Variants in PTPRU observed in about 807,000 individuals in gnomAD.
PTPRU encodes the protein protein tyrosine phosphatase receptor type U.
In PTPRU, 69 loss-of-function variants were observed where a neutral mutation model predicts 166.3. The observed-to-expected ratio is 0.41, with a 90% CI of 0.34 to 0.51. PTPRU has a LOEUF of 0.51. Ranked by LOEUF, PTPRU falls within the 20% of genes least tolerant of loss-of-function variation. The pLI is 0.09. For missense variants in PTPRU, 1,657 were observed against 2,013.7 expected (o/e 0.82, Z 3.39); for synonymous variants, 793 against 814.0 (o/e 0.97, Z 0.44).
chr1:29,248,222 A>T (rs940432862), intron 1 of PTPRU, among the ~76,000 whole-genome samples: 1 of 152,084 alleles, frequency 6.6e-6, no homozygotes, highest in African/African-American at 2.4e-5. Flanking sequence ...GTTCAAATGC[A>T]TGAGACGTGG....
chr1:29,293,374 C>T (rs1382096550), intron 15 of PTPRU, among the ~76,000 whole-genome samples: 4 of 152,244 alleles, frequency 2.6e-5, no homozygotes, highest in Non-Finnish European at 5.9e-5. Flanking sequence ...ATCTGTCCGC[C>T]TCAGCCTCCC....
intron 25 of PTPRU, 127 bp downstream of exon 25, chr1:29,318,048 C>T: frequency 7.9e-7 from 1 of 1,259,946 alleles, no homozygotes; most frequent in Non-Finnish European, 1.1e-6. Flanking sequence ...GGGGAACAGG[C>T]CTGTGTGTGA....
chr1:29,273,898 C>T (rs1685684868), intron 7 of PTPRU, among the ~76,000 whole-genome samples: 1 of 152,184 alleles, frequency 6.6e-6, no homozygotes, highest in African/African-American at 2.4e-5. Flanking sequence ...GTTTGGATCC[C>T]AGCTTCACCA....
chr1:29,275,338 C>A, intron 7 of PTPRU, 110 bp from the exon 8 acceptor site: 2 of 1,221,110 alleles, frequency 1.6e-6, no homozygotes, highest in Admixed American at 2.4e-5. Context: ...CTCTTGGGGG[C>A]AATGGAGGGA....
At position 29,279,763 on chromosome 1, in the gene PTPRU, G is replaced by A. The variant is rs906114747; in HGVS notation, c.1765+106G>A. 1.5e-6 allele frequency: 2 copies of A among 1,343,238 alleles called. No individual in the cohort carries two copies. The highest frequency in any genetic ancestry group is 2.1e-6 in the Non-Finnish European group (2 of 963,702). The allele number at this position is 1,343,238 out of a possible 1,614,324, so 83.2% of individuals were successfully genotyped here. A position where few individuals can be genotyped will look rare whatever the true frequency, so the allele number is the denominator to read the frequency against. On this transcript the variant is annotated intron_variant, in intron 10 of 29. Coordinates refer to ENST00000373779, the MANE Select transcript of PTPRU (RefSeq NM_133178.4). The surrounding 1 kb of genome is among the most constrained non-coding windows in gnomAD (Gnocchi z 5.2). ...GGCATCCTGGGGGTAGTTACAGAGG[G>A]CCCCTGCTGAGATAAATATGCCATT...
intron 7 of PTPRU, among the ~76,000 whole-genome samples, chr1:29,262,231 G>A (rs1006338030): frequency 6.6e-6 from 1 of 152,032 alleles, no homozygotes; most frequent in East Asian, 1.9e-4. Flanking sequence ...CTAAAATTTT[G>A]TTGTTTCAAA....
chr1:29,297,997 C>T (rs1686967698), intron 15 of PTPRU, among the ~76,000 whole-genome samples: 1 of 152,106 alleles, frequency 6.6e-6, no homozygotes, highest in South Asian at 2.1e-4. Flanking sequence ...GTGGCTCACA[C>T]CTGTAATCCC....
intron 7 of PTPRU, among the ~76,000 whole-genome samples, chr1:29,265,150 T>C (rs1222302998): frequency 6.6e-6 from 1 of 152,210 alleles, no homozygotes; most frequent in Non-Finnish European, 1.5e-5. Context: ...CATATGGTGA[T>C]TGCATGTTTA....
chr1:29,240,524 GAAA>G (rs1684000490), intron 1 of PTPRU, among the ~76,000 whole-genome samples: 2 of 152,128 alleles, frequency 1.3e-5, no homozygotes, highest in African/African-American at 4.8e-5. Context: ...CAGGAATCTG[GAAA>G]ATTCCTGGAG....
chr1:29,283,033 C>T (rs1487904247), intron 12 of PTPRU, 84 bp downstream of exon 12: 3 of 1,546,360 alleles, frequency 1.9e-6, no homozygotes, highest in Non-Finnish European at 2.6e-6. Context: ...AGGCCCAGCG[C>T]AGACTCCAGG....
At position 29,271,162 on chromosome 1, in the gene PTPRU, G is replaced by A. The variant is rs539503760; in HGVS notation, c.1145-4286G>A. Among the ~76,000 whole-genome samples the A allele has an allele frequency of 2.0e-5, 3 of 152,190 alleles. No individual in the cohort carries two copies. Among genetic ancestry groups the A allele is most frequent in the Non-Finnish European group, 4.4e-5 (3 of 68,044 alleles). Reference sequence around the variant, plus strand: ...TAAATGTTATCCTCATTGTTTTAATGTGCATTTTGACCTCTGATCTCGGAG... The same window carrying A: ...TAAATGTTATCCTCATTGTTTTAATATGCATTTTGACCTCTGATCTCGGAG... On this transcript the variant is annotated intron_variant, in intron 7 of 29. Transcript: ENST00000373779. The surrounding 1 kb of genome is among the most constrained non-coding windows in gnomAD (Gnocchi z 4.4).
chr1:29,283,970 AG>A lies in PTPRU; in HGVS notation c.2175del (p.Ala727LeufsTer50). The A allele has an allele frequency of 6.2e-7, 1 of 1,613,750 alleles. No homozygotes were observed. The highest frequency in any genetic ancestry group is 8.5e-7 in the Non-Finnish European group (1 of 1,180,020). On this transcript the variant is annotated frameshift_variant, in exon 13 of 30. Coordinates refer to ENST00000373779, the MANE Select transcript of PTPRU (RefSeq NM_133178.4). LOFTEE classifies it high-confidence loss of function. The part of the protein sequence containing the change: ...ETRLNCIRIA[R>X]KAACKESKRP... ...CCGGCTGAATTGCATCCGCATTGCCAGGAAAGGTAAGTCCGCTGAGTTCCTG... is the reference window on the plus strand; with the variant it reads ...CCGGCTGAATTGCATCCGCATTGCCAGAAAGGTAAGTCCGCTGAGTTCCTG...
intron 15 of PTPRU, among the ~76,000 whole-genome samples, chr1:29,292,830 T>TTG (rs1167275820): frequency 1.3e-5 from 2 of 151,490 alleles, no homozygotes; most frequent in East Asian, 3.9e-4. Flanking sequence ...TTTTTTTTTT[T>TTG]TGTGAGATGG....
Position 29,279,239 on chromosome 1 carries a change from C to G in PTPRU, c.1563+118C>G. The G allele has an allele frequency of 9.4e-7, 1 of 1,066,152 alleles. No homozygotes were observed. The highest frequency in any genetic ancestry group is 1.5e-5 in the South Asian group (1 of 66,260). The allele number at this position is 1,066,152 out of a possible 1,614,324, so 66.0% of individuals were successfully genotyped here. A position where few individuals can be genotyped will look rare whatever the true frequency, so the allele number is the denominator to read the frequency against. On this transcript the variant is annotated intron_variant, in intron 9 of 29. Transcript: ENST00000373779. This position sits in a 1 kb window ranked among gnomAD's most constrained non-coding sequence, Gnocchi z 5.2. ...AGGACAGATGTGATTGTCATAGTTT[C>G]TTCAACTATGGCCAGGTCTGTGCCC...
rs956120990 is a variant in PTPRU at position 29,259,490 on chromosome 1, A to G, written c.601A>G (p.Asn201Asp). 1 of 1,611,968 alleles carries G rather than the reference A, an allele frequency of 6.2e-7. No homozygotes were observed. The highest frequency in any genetic ancestry group is 8.5e-7 in the Non-Finnish European group (1 of 1,178,996). ...HFSRLGDVEVNAGQNASFQCM... is the reference protein window; with the variant it reads ...HFSRLGDVEVDAGQNASFQCM... ...CTCCCGCCTGGGCGACGTGGAGGTCAACGCGGGCCAGAACGCGTCGTTCCA... is the reference window on the plus strand; with the variant it reads ...CTCCCGCCTGGGCGACGTGGAGGTCGACGCGGGCCAGAACGCGTCGTTCCA... The change falls in exon 5 of 30, where the codon AAC (asparagine) becomes GAC (aspartate). Residue 201 changes from asparagine to aspartate, a missense_variant. By Grantham distance (23) the Asn-to-Asp change is conservative. Transcript: ENST00000373779.
chr1:29,262,243 A>G (rs1685099185), intron 7 of PTPRU, among the ~76,000 whole-genome samples: 1 of 152,244 alleles, frequency 6.6e-6, no homozygotes, highest in Admixed American at 6.5e-5. Flanking sequence ...TGTTTCAAAA[A>G]TATTATATGA....
chr1:29,306,678 G>A (rs1474291688), intron 18 of PTPRU, among the ~76,000 whole-genome samples: 2 of 152,294 alleles, frequency 1.3e-5, no homozygotes, highest in South Asian at 2.1e-4. Context: ...CTAAGCAAAG[G>A]CCTGGGGGGC....
At chr1:29,318,961 C>T (rs1189426825) in intron 25 of PTPRU, among the ~76,000 whole-genome samples, 1 of 152,182 alleles carries the variant, frequency 6.6e-6, no homozygotes. Flanking sequence ...CGGCCTGATG[C>T]CTGGCCAGGA....
At chr1:29,245,479 C>T (rs1391819357) in intron 1 of PTPRU, among the ~76,000 whole-genome samples, 1 of 152,170 alleles carries the variant, frequency 6.6e-6, no homozygotes, top group Non-Finnish European at 1.5e-5. Flanking sequence ...ACTGTTGCAG[C>T]GTGCCAGGCT....
Sources: gnomAD v4.1 joint callset for allele counts (sites outside exome capture counted in the v4.1 genomes callset) on GRCh38, gnomAD v4.1.1 for gene constraint, Gnocchi (gnomAD v3.1) non-coding constraint, MANE v1.5 for transcripts, NCBI Gene and HGNC (gene_info 2026-07-23, HGNC 2026-07-21) for gene names.